Variants in ZBTB40 observed in about 807,000 individuals in gnomAD.
ZBTB40 encodes zinc finger and BTB domain containing 40, also known as zinc finger and BTB domain-containing protein 40.
In ZBTB40, 60 loss-of-function variants were observed where a neutral mutation model predicts 117.5. That is an observed-to-expected ratio of 0.51 (90% CI 0.41 to 0.63). The LOEUF is 0.63. Ranked by LOEUF, ZBTB40 falls within the 30% of genes least tolerant of loss-of-function variation. The pLI, the probability that ZBTB40 is intolerant of heterozygous loss-of-function variation, is 0.00. For synonymous variants in ZBTB40, 525 were observed against 577.1 expected (o/e 0.91, Z 1.29); for missense variants, 1,287 against 1,498.5 (o/e 0.86, Z 2.33).
At chr1:22,502,176 A>G in intron 4 of ZBTB40, 123 bp from the exon 5 acceptor site, 2 of 1,119,350 alleles carry the variant, frequency 1.8e-6, no homozygotes, top group Non-Finnish European at 2.6e-6. Context: ...TTCTGCATTC[A>G]GGTGCTCAGA....
intron 1 of ZBTB40, among the ~76,000 whole-genome samples, chr1:22,474,794 TGATA>T (rs989022099): frequency 2.0e-5 from 3 of 152,068 alleles, no homozygotes; most frequent in South Asian, 2.1e-4. Flanking sequence ...CAAGAGTATG[TGATA>T]GATAAAGTAA....
In ZBTB40 at chr1:22,528,264, G is replaced by A. The variant is rs1639735634; in HGVS notation, c.*1868G>A. The A allele has an allele frequency of 6.6e-6, 1 of 152,572 alleles. No homozygotes were observed. The highest frequency in any genetic ancestry group is 2.4e-5 in the African/African-American group (1 of 41,444). 9.5% of individuals were successfully genotyped at this position (152,572 alleles called of 1,614,324 possible). The stretch of plus-strand genomic sequence containing the variant: ...AGAGAAAACCCACTGAAAGATCGTA[G>A]AGTGGCACATGCTTACAGGGCATTG... On this transcript the variant is annotated 3_prime_UTR_variant, in exon 18 of 18. Transcript: ENST00000375647.
intron 5 of ZBTB40, among the ~76,000 whole-genome samples, chr1:22,502,965 A>T (rs1008965799): frequency 1.2e-4 from 19 of 152,208 alleles, no homozygotes; most frequent in Admixed American, 1.2e-3. Flanking sequence ...AGGCTGAAGC[A>T]TGTGTTCCCC....
At chr1:22,522,990 C>T (rs1329526364) in intron 16 of ZBTB40, among the ~76,000 whole-genome samples, 7 of 135,974 alleles carry the variant, frequency 5.1e-5, no homozygotes, top group Non-Finnish European at 9.3e-5. Context: ...CTCTGTCACC[C>T]AGGCTGGAGT....
intron 1 of ZBTB40, among the ~76,000 whole-genome samples, chr1:22,435,789 A>T (rs886348335): frequency 1.3e-5 from 2 of 152,238 alleles, no homozygotes; most frequent in Admixed American, 6.5e-5. Flanking sequence ...ATACAGACTG[A>T]AATATTCATA....
intron 1 of ZBTB40, among the ~76,000 whole-genome samples, chr1:22,444,607 C>T (rs1449796271): frequency 6.6e-6 from 1 of 152,100 alleles, no homozygotes; most frequent in Non-Finnish European, 1.5e-5. Context: ...CTTCTAGGAA[C>T]ACTTGACTGG....
chr1:22,479,505 CTAT>C (rs1638230841), intron 1 of ZBTB40, among the ~76,000 whole-genome samples: 1 of 152,044 alleles, frequency 6.6e-6, no homozygotes, highest in African/African-American at 2.4e-5. Flanking sequence ...CTTTTTACAT[CTAT>C]TATTATTAAT....
Position 22,460,654 on chromosome 1 carries a change from A to G in ZBTB40, c.-70+8650A>G, listed in dbSNP as rs566658711. 1.0e-3 allele frequency among the ~76,000 whole-genome samples: 157 copies of G among 152,274 alleles called. 1 individual carries two copies. The highest frequency in any genetic ancestry group is 3.6e-3 in the African/African-American group (149 of 41,554). On this transcript the variant is annotated intron_variant, in intron 1 of 17. Transcript: ENST00000375647. ...TTGTTAACTTCATTTTACCCTTGAG[A>G]AAACAGGTTTTGAAAGGTTAAGTAA...
chr1:22,484,949 A>G (rs959547172), intron 1 of ZBTB40, among the ~76,000 whole-genome samples: 1 of 152,312 alleles, frequency 6.6e-6, no homozygotes, highest in Middle Eastern at 3.4e-3. Flanking sequence ...GGATCACATT[A>G]ATTGATTTTG....
intron 5 of ZBTB40, among the ~76,000 whole-genome samples, chr1:22,503,051 T>C (rs536437742): frequency 2.0e-5 from 3 of 152,176 alleles, no homozygotes; most frequent in African/African-American, 7.2e-5. Context: ...TTACCTAATA[T>C]CTTAATACAT....
intron 17 of ZBTB40, among the ~76,000 whole-genome samples, chr1:22,525,237 A>T (rs960361762): frequency 7.9e-5 from 12 of 152,192 alleles, no homozygotes; most frequent in Non-Finnish European, 1.2e-4. Context: ...ATGGTTCTTG[A>T]TAATATGTCC....
At chr1:22,518,892 C>G (rs1639446082) in intron 13 of ZBTB40, among the ~76,000 whole-genome samples, 1 of 152,170 alleles carries the variant, frequency 6.6e-6, no homozygotes. Flanking sequence ...ACCTGGGCGT[C>G]AGGAAAGGGG....
At chr1:22,502,465 C>G (rs1227359109) in intron 5 of ZBTB40, 24 bp downstream of exon 5, 1 of 1,613,738 alleles carries the variant, frequency 6.2e-7, no homozygotes, top group African/African-American at 1.3e-5. Flanking sequence ...GTGTCTCCTC[C>G]CTCCTCCTGA....
chr1:22,526,246 C>A lies in ZBTB40; in HGVS notation c.3570C>A (p.Ile1190=). 1 of 1,614,180 alleles carries A rather than the reference C, an allele frequency of 6.2e-7. No homozygotes were observed. The highest frequency in any genetic ancestry group is 1.1e-5 in the South Asian group (1 of 91,080). ...CGGTGGCCCCGACAGAGCAGGTGAT[C>A]ACTTTGGAGGAGACCCAGCTTGCCG... The part of the protein sequence containing the change: ...PEPVAPTEQV[I]TLEETQLAGS... The change falls in exon 18 of 18, where the codon ATC becomes ATA. Residue 1190 remains isoleucine, a synonymous_variant. Coordinates refer to ENST00000375647, the MANE Select transcript of ZBTB40 (RefSeq NM_014870.4).
intron 10 of ZBTB40, 141 bp downstream of exon 10, chr1:22,511,488 G>A: frequency 7.6e-7 from 1 of 1,324,242 alleles, no homozygotes; most frequent in South Asian, 1.4e-5. Context: ...ACCTAAAAAA[G>A]TCATGAGACA....
intron 1 of ZBTB40, among the ~76,000 whole-genome samples, chr1:22,473,911 CA>C (rs1195472729): frequency 7.9e-5 from 12 of 152,140 alleles, no homozygotes; most frequent in African/African-American, 2.7e-4. Context: ...TGGCCCTTAA[CA>C]AGGCAGTTAA....
chr1:22,489,641 T>C (rs1225844234), intron 1 of ZBTB40, among the ~76,000 whole-genome samples: 1 of 150,106 alleles, frequency 6.7e-6, no homozygotes, highest in Non-Finnish European at 1.5e-5. Flanking sequence ...ACTGAATCGT[T>C]GTGAGAATCA....
At chr1:22,502,744 T>C (rs1638976160) in intron 5 of ZBTB40, among the ~76,000 whole-genome samples, 1 of 152,146 alleles carries the variant, frequency 6.6e-6, no homozygotes, top group Admixed American at 6.5e-5. Flanking sequence ...GATGGACCGA[T>C]GGACAGATGG....
In ZBTB40 at chr1:22,463,864, A is replaced by C. The variant is rs116330771; in HGVS notation, c.-70+11860A>C. On this transcript the variant is annotated intron_variant, in intron 1 of 17. Coordinates refer to ENST00000375647, the MANE Select transcript of ZBTB40 (RefSeq NM_014870.4). Reference sequence around the variant, plus strand: ...AGAACACCTCAAAAGAAGTTTCATTAGAAATGGAGAGAATCTGGAAAAAGA... The same window carrying C: ...AGAACACCTCAAAAGAAGTTTCATTCGAAATGGAGAGAATCTGGAAAAAGA... Among the ~76,000 whole-genome samples, 827 of 152,378 alleles carry C rather than the reference A, an allele frequency of 5.4e-3. 9 individuals carry two copies. Among genetic ancestry groups the C allele is most frequent in the African/African-American group, 0.019 (789 of 41,592 alleles).
Sources: allele counts gnomAD v4.1 joint callset (sites outside exome capture counted in the v4.1 genomes callset), GRCh38; gene constraint gnomAD v4.1.1; transcripts MANE v1.5; gene names NCBI Gene and HGNC (gene_info 2026-07-23, HGNC 2026-07-21).